Variants in NKTR observed in about 807,000 individuals in gnomAD.
NKTR encodes the protein natural killer cell triggering receptor, also known as NK-tumor recognition protein.
NKTR carries 67 observed loss-of-function variants against 156.3 expected under a neutral mutation model. The ratio of observed to expected loss-of-function variants is 0.43; its 90% CI spans 0.35 to 0.53. The LOEUF (loss-of-function observed/expected upper bound fraction) is 0.53. NKTR is among the 20% of genes least tolerant of loss of function. NKTR has a pLI of 0.01. For synonymous variants in NKTR, 640 were observed against 596.6 expected (o/e 1.07, Z -1.06); for missense variants, 1,604 against 1,730.9 (o/e 0.93, Z 1.30).
In NKTR at chr3:42,638,172, A is replaced by G. The variant is rs774732350; in HGVS notation, c.2468A>G (p.Gln823Arg). ...QSSVQATQSA[Q>R]EKEKQGQMER... ...AGTGTTCAGGCCACACAGTCAGCCC[A>G]GGAAAAAGAGAAGCAGGGCCAAATG... The change falls in exon 13 of 17, where the codon CAG becomes CGG. Residue 823 changes from glutamine to arginine, a missense_variant. Transcript: ENST00000232978. 6 of 1,612,394 alleles carry G rather than the reference A, an allele frequency of 3.7e-6. No homozygotes were observed. In the Admixed American group the frequency reaches 1.0e-4, roughly 27 times the overall value.
chr3:42,633,618 T>G lies in NKTR; in HGVS notation c.812T>G (p.Val271Gly), dbSNP rs35726114. 3.2e-3 allele frequency: 5,123 copies of G among 1,614,130 alleles called. 136 individuals are homozygous for G. The African/African-American group carries it at 0.058, about 18-fold the overall frequency. Residue 271 changes from valine (V) to glycine (G), a missense_variant, in exon 10 of 17, where the codon GTT (valine) becomes GGT (glycine). Val to Gly is a moderately radical substitution (Grantham distance 109). This residue lies in a region of NKTR where 1,255 missense variants were observed against 1,243.7 expected (regional missense o/e 1.01). Coordinates refer to ENST00000232978, the MANE Select transcript of NKTR (RefSeq NM_005385.4). ...ERSDTNEKRSVDSSAKREKPV... is the reference protein window; with the variant it reads ...ERSDTNEKRSGDSSAKREKPV... Reference sequence around the variant, plus strand: ...AGTGATACCAATGAAAAAAGGTCAGTTGATTCCAGTGCTAAAAGGGAAAAA... The same window carrying G: ...AGTGATACCAATGAAAAAAGGTCAGGTGATTCCAGTGCTAAAAGGGAAAAA...
chr3:42,609,787 T>C (rs1376091176), intron 2 of NKTR, among the ~76,000 whole-genome samples: 3 of 152,202 alleles, frequency 2.0e-5, no homozygotes, highest in African/African-American at 7.2e-5. Context: ...AGGTAGAATG[T>C]TTCTTGTTGT....
chr3:42,645,407 G>A (rs992604822), intron 16 of NKTR, among the ~76,000 whole-genome samples: 4 of 152,234 alleles, frequency 2.6e-5, no homozygotes, highest in African/African-American at 7.2e-5. Flanking sequence ...AGTGTGAGTC[G>A]GGCACGGTGG....
rs1213700954 is a variant in NKTR at position 42,648,642 on chromosome 3, AT to A, written c.*2668del. 6.5e-6 allele frequency: 1 copy of A among 152,680 alleles called. No individual in the cohort carries two copies. Among genetic ancestry groups the A allele is most frequent in the Non-Finnish European group, 1.5e-5 (1 of 68,046 alleles). 9.5% of individuals were successfully genotyped at this position (152,680 alleles called of 1,614,324 possible). A position where few individuals can be genotyped will look rare whatever the true frequency, so the allele number is the denominator to read the frequency against. On this transcript the variant is annotated 3_prime_UTR_variant, in exon 17 of 17. Transcript: ENST00000232978. Reference sequence around the variant, plus strand: ...AAAACTGTATAAAATACTTTTGTACATATTAGCAATGTCTAATTTGTATACA... The same window carrying A: ...AAAACTGTATAAAATACTTTTGTACAATTAGCAATGTCTAATTTGTATACA...
rs1429361455 is a variant in NKTR at position 42,629,715 on chromosome 3, A to G, written c.375-831A>G. 12 of 983,694 alleles carry G rather than the reference A, an allele frequency of 1.2e-5. No individual in the cohort carries two copies. The African/African-American group carries it at 1.7e-4, about 14-fold the overall frequency. 60.9% of individuals were successfully genotyped at this position (983,694 alleles called of 1,614,324 possible). The stretch of plus-strand genomic sequence containing the variant: ...AATTATCTGCTTTTGAATTTTTTCC[A>G]CTGCAATTCATATAATGTGAAGATC... On this transcript the variant is annotated intron_variant, in intron 6 of 16. Coordinates refer to ENST00000232978, the MANE Select transcript of NKTR (RefSeq NM_005385.4).
intron 11 of NKTR, 163 bp from the exon 12 acceptor site, chr3:42,635,057 TA>T (rs58779310): frequency 0.086 from 24,285 of 283,720 alleles, 2 homozygotes; most frequent in Middle Eastern, 0.14. Flanking sequence ...AGTTAAAAAC[TA>T]AAAAAAAAAA....
In NKTR at chr3:42,635,364, T is replaced by C. The variant is rs1418702148; in HGVS notation, c.1161T>C (p.Asp387=). Residue 387 remains aspartate, a splice_region_variant and synonymous_variant, in exon 12 of 17, where the codon GAT becomes GAC. Transcript: ENST00000232978. ...GTGGAGAAAAATGGAGTAAAGGAGA[T>C]AAGTAAGAACTTTGAGTATAAGCAC... The part of the protein sequence containing the change: ...PPSGEKWSKG[D]KLSDPCSSRW... The C allele has an allele frequency of 6.2e-7, 1 of 1,607,090 alleles. No individual in the cohort carries two copies. The highest frequency in any genetic ancestry group is 1.3e-5 in the African/African-American group (1 of 74,456).
intron 2 of NKTR, among the ~76,000 whole-genome samples, chr3:42,614,051 T>G (rs572556353): frequency 6.6e-6 from 1 of 152,182 alleles, no homozygotes; most frequent in Non-Finnish European, 1.5e-5. Flanking sequence ...CAAGTGATCC[T>G]CCAGCCTCTG....
rs1478899293 is a variant in NKTR at position 42,636,758 on chromosome 3, G to T, written c.1164-110G>T. On this transcript the variant is annotated intron_variant, in intron 12 of 16. Transcript: ENST00000232978. ...TAACTCTGATTCACGCTTCCTGCGT[G>T]TGCTTAAAGTGTTAATGGGGTCAAG... 3 of 1,415,964 alleles carry T rather than the reference G, an allele frequency of 2.1e-6. No homozygotes were observed. The African/African-American group carries it at 4.3e-5, about 20-fold the overall frequency. 87.7% of individuals were successfully genotyped at this position (1,415,964 alleles called of 1,614,324 possible).
chr3:42,617,616 A>G lies in NKTR; in HGVS notation c.105A>G (p.Thr35=). ...FQLFSDICPK[T]CKNFLCLCSG... ...TCTTCTCAGACATATGTCCAAAAAC[A>G]TGCAAAAACTTCCTTTGCTTGTGCT... The change falls in exon 3 of 17, where the codon ACA becomes ACG. Residue 35 remains threonine, a synonymous_variant. Transcript: ENST00000232978. The G allele has an allele frequency of 6.2e-7, 1 of 1,603,698 alleles. No individual in the cohort carries two copies. The highest frequency in any genetic ancestry group is 8.5e-7 in the Non-Finnish European group (1 of 1,170,790).
intron 2 of NKTR, among the ~76,000 whole-genome samples, chr3:42,615,066 G>A (rs1200933696): frequency 6.6e-6 from 1 of 150,826 alleles, no homozygotes; most frequent in Admixed American, 6.6e-5. Context: ...GATATTAGAG[G>A]TGAGATTTGT....
intron 13 of NKTR, 42 bp from the exon 14 acceptor site, chr3:42,642,458 GA>G: frequency 7.1e-7 from 1 of 1,408,548 alleles, no homozygotes; most frequent in Non-Finnish European, 1.0e-6. Context: ...ATATCATGAT[GA>G]GTCAACATAA....
chr3:42,647,303 G>GTGTGGGGGGT lies in NKTR; in HGVS notation c.*1329_*1330insGTGGGGGGTT, dbSNP rs796657249. 9.9e-6 allele frequency: 1 copy of GTGTGGGGGGT among 101,260 alleles called. No homozygotes were observed. Among genetic ancestry groups the GTGTGGGGGGT allele is most frequent in the African/African-American group, 3.9e-5 (1 of 25,912 alleles). 6.3% of individuals were successfully genotyped at this position (101,260 alleles called of 1,614,324 possible). ...GTGTGTGTGTGTGTGTGTGTGTGTG[G>GTGTGGGGGGT]TTTTTTTTTTTAATCTTTACTTTGA... On this transcript the variant is annotated 3_prime_UTR_variant, in exon 17 of 17. Coordinates refer to ENST00000232978, the MANE Select transcript of NKTR (RefSeq NM_005385.4).
Position 42,627,932 on chromosome 3 carries a change from C to A in NKTR, c.375-2614C>A, listed in dbSNP as rs1340425794. ...AAAGATTAAGAGTTAGTGAGATGAGCTCTCTGCCTCTTTTAGTAGAATTGA... is the reference window on the plus strand; with the variant it reads ...AAAGATTAAGAGTTAGTGAGATGAGATCTCTGCCTCTTTTAGTAGAATTGA... On this transcript the variant is annotated intron_variant, in intron 6 of 16. Coordinates refer to ENST00000232978, the MANE Select transcript of NKTR (RefSeq NM_005385.4). 6 of 985,056 alleles carry A rather than the reference C, an allele frequency of 6.1e-6. No individual in the cohort carries two copies. In the Admixed American group the frequency reaches 3.7e-4, roughly 61 times the overall value. 61.0% of individuals were successfully genotyped at this position (985,056 alleles called of 1,614,324 possible).
At chr3:42,602,702 C>T (rs1705660209) in intron 2 of NKTR, 1 of 150,058 alleles carries the variant, frequency 6.7e-6, no homozygotes, top group Admixed American at 6.6e-5. Context: ...TGTAGTGAAT[C>T]CATGCTTTAG....
At chr3:42,608,170 T>A (rs1334320572) in intron 2 of NKTR, among the ~76,000 whole-genome samples, 3 of 151,738 alleles carry the variant, frequency 2.0e-5, no homozygotes, top group Non-Finnish European at 2.9e-5. Context: ...TTGTATTTTT[T>A]ATTAGATACA....
intron 6 of NKTR, among the ~76,000 whole-genome samples, chr3:42,623,244 A>G (rs1232526134): frequency 1.3e-5 from 2 of 152,114 alleles, no homozygotes; most frequent in African/African-American, 4.8e-5. Flanking sequence ...TTGAATCAAT[A>G]AATTACAATT....
At chr3:42,643,738 G>A (rs1389163477) in intron 15 of NKTR, 164 bp from the exon 16 acceptor site, 2 of 686,590 alleles carry the variant, frequency 2.9e-6, no homozygotes, top group Non-Finnish European at 5.3e-6. Context: ...TCTCATTTGG[G>A]GCAATTGTTA....
In NKTR at chr3:42,648,285, T is replaced by G. The variant is rs8351; in HGVS notation, c.*2310T>G. On this transcript the variant is annotated 3_prime_UTR_variant, in exon 17 of 17. Coordinates refer to ENST00000232978, the MANE Select transcript of NKTR (RefSeq NM_005385.4). ...GTTCTGGAGATTAGCTCATTGAAAG[T>G]GGGAGGGGCATTTTCAAATTCTGCC... 70,447 of 152,004 alleles carry G rather than the reference T, an allele frequency of 0.46. 18,922 individuals are homozygous for G. The highest frequency in any genetic ancestry group is 0.74 in the African/African-American group (30,771 of 41,462). The allele number at this position is 152,004 out of a possible 1,614,324, so 9.4% of individuals were successfully genotyped here.
Sources: gnomAD v4.1 joint callset for allele counts (sites outside exome capture counted in the v4.1 genomes callset) on GRCh38, gnomAD v4.1.1 for gene constraint, gnomAD v4.1.1 regional missense constraint, MANE v1.5 for transcripts, NCBI Gene and HGNC (gene_info 2026-07-23, HGNC 2026-07-21) for gene names.